PTPRM: variants seen among roughly 807,000 people sequenced by gnomAD.
PTPRM encodes protein tyrosine phosphatase receptor type M.
PTPRM carries 47 observed loss-of-function variants against 186.7 expected under a neutral mutation model. The observed-to-expected ratio is 0.25, with a 90% confidence interval of 0.20 to 0.32. The LOEUF (loss-of-function observed/expected upper bound fraction) is 0.32. PTPRM is among the 10% of genes least tolerant of loss of function. The pLI, the probability that PTPRM is intolerant of heterozygous loss-of-function variation, is 1.00. For missense variants in PTPRM, 1,494 were observed against 1,865.0 expected, an observed-to-expected ratio of 0.80 and a Z score of 3.66; for synonymous variants, 668 against 674.9, an observed-to-expected ratio of 0.99 and a Z score of 0.16.
chr18:8,024,697 T>TTTTTA (rs1213001455), intron 7 of PTPRM, among the ~76,000 whole-genome samples: 1 of 151,224 alleles, frequency 6.6e-6, no homozygotes, highest in African/African-American at 2.4e-5. Context: ...TTTTTTTTTT[T>TTTTTA]TACTGAGTCA....
chr18:7,688,720 G>A (rs780079553), intron 1 of PTPRM, among the ~76,000 whole-genome samples: 32 of 152,168 alleles, frequency 2.1e-4, no homozygotes, highest in East Asian at 9.6e-4. Context: ...CTCTCATCCC[G>A]TGCGTTTGAC....
chr18:7,702,718 T>C (rs1396502442), intron 1 of PTPRM, among the ~76,000 whole-genome samples: 3 of 152,226 alleles, frequency 2.0e-5, no homozygotes, highest in Non-Finnish European at 1.5e-5. Flanking sequence ...TTTGTCGATT[T>C]TGGCATTTGT....
intron 1 of PTPRM, among the ~76,000 whole-genome samples, chr18:7,651,439 G>T (rs894723288): frequency 2.0e-5 from 3 of 152,064 alleles, no homozygotes; most frequent in Non-Finnish European, 4.4e-5. Context: ...AGCCCGCATC[G>T]CCAAGTCAAT....
chr18:8,106,088 A>G (rs1386478302), intron 11 of PTPRM, among the ~76,000 whole-genome samples: 3 of 152,104 alleles, frequency 2.0e-5, no homozygotes, highest in African/African-American at 7.2e-5. Context: ...AGTCAAGACT[A>G]GGAAGCCTGG....
At chr18:7,673,858 G>C (rs957963154) in intron 1 of PTPRM, among the ~76,000 whole-genome samples, 2 of 152,202 alleles carry the variant, frequency 1.3e-5, no homozygotes, top group African/African-American at 4.8e-5. Flanking sequence ...AGGGACACTG[G>C]GGTGAGCCAC....
At chr18:7,768,497 AAC>A (rs536472102) in intron 1 of PTPRM, among the ~76,000 whole-genome samples, 126 of 152,292 alleles carry the variant, frequency 8.3e-4, no homozygotes, top group African/African-American at 3.0e-3. Context: ...TGTCTTGAAA[AAC>A]ACAAAGAATA....
intron 2 of PTPRM, among the ~76,000 whole-genome samples, chr18:7,775,764 G>C (rs186282101): frequency 9.9e-5 from 15 of 152,218 alleles, no homozygotes; most frequent in Admixed American, 6.5e-4. Context: ...AACTTGACTT[G>C]AAAAAATCAG....
At chr18:8,314,070 T>G (rs1436690374) in intron 20 of PTPRM, among the ~76,000 whole-genome samples, 1 of 152,192 alleles carries the variant, frequency 6.6e-6, no homozygotes. Context: ...GCAGATAATT[T>G]TTTTTACCCT....
At chr18:8,341,709 C>T (rs1238861227) in intron 22 of PTPRM, among the ~76,000 whole-genome samples, 10 of 149,354 alleles carry the variant, frequency 6.7e-5, no homozygotes, top group African/African-American at 2.2e-4. Context: ...TCAGGGGTCA[C>T]ATTGGGCTGT....
chr18:7,568,512 C>G lies in PTPRM; in HGVS notation c.73+621C>G, dbSNP rs905622345. ...GGGGGGAGTTCCTCGCCGGTCCCAGCGGTAGGGCTTGGCGGCCGCGGAGGG... is the reference window on the plus strand; with the variant it reads ...GGGGGGAGTTCCTCGCCGGTCCCAGGGGTAGGGCTTGGCGGCCGCGGAGGG... On this transcript the variant is annotated intron_variant, in intron 1 of 32. Transcript: ENST00000580170. This position sits in a 1 kb window ranked among gnomAD's most constrained non-coding sequence, Gnocchi z 5.1. Among the ~76,000 whole-genome samples, 3 of 152,120 alleles carry G rather than the reference C, an allele frequency of 2.0e-5. No individual in the cohort carries two copies. The highest frequency in any genetic ancestry group is 4.4e-5 in the Non-Finnish European group (3 of 67,998).
At chr18:8,236,037 T>C (rs1601391628) in intron 14 of PTPRM, among the ~76,000 whole-genome samples, 1 of 152,196 alleles carries the variant, frequency 6.6e-6, no homozygotes, top group African/African-American at 2.4e-5. Flanking sequence ...GAATATAATG[T>C]GTATTCTGCT....
At chr18:8,173,853 G>A (rs898820853) in intron 14 of PTPRM, among the ~76,000 whole-genome samples, 8 of 152,170 alleles carry the variant, frequency 5.3e-5, no homozygotes, top group Admixed American at 4.6e-4. Context: ...TGGATCACTT[G>A]AGGTCAGGAG....
intron 1 of PTPRM, among the ~76,000 whole-genome samples, chr18:7,612,271 C>G (rs2143863660): frequency 6.6e-6 from 1 of 152,144 alleles, no homozygotes; most frequent in Non-Finnish European, 1.5e-5. Flanking sequence ...AATAAATGTG[C>G]AAAATGTGTA....
In PTPRM at chr18:7,611,944, G is replaced by T. The variant is rs149026318; in HGVS notation, c.73+44053G>T. ...CAGCATGAAAGCAGACTGATACAAG[G>T]CTCTACCATCTAGGTTTGTGTAAGT... On this transcript the variant is annotated intron_variant, in intron 1 of 32. Coordinates refer to ENST00000580170, the MANE Select transcript of PTPRM (RefSeq NM_001105244.2). 5.3e-3 allele frequency among the ~76,000 whole-genome samples: 804 copies of T among 152,214 alleles called. 7 individuals carry two copies. Among genetic ancestry groups the T allele is most frequent in the South Asian group, 0.029 (138 of 4,824 alleles).
rs943114976 is a variant in PTPRM at position 8,244,054 on chromosome 18, T to C, written c.2301-4T>C. 6.2e-7 allele frequency: 1 copy of C among 1,607,578 alleles called. No homozygotes were observed. The highest frequency in any genetic ancestry group is 1.7e-5 in the Admixed American group (1 of 58,244). ...GCCTACATAATTGAATTCTTTATCC[T>C]AAGGAAACTGGCCAAGAAGCGGAAA... On this transcript the variant is annotated splice_polypyrimidine_tract_variant and splice_region_variant and intron_variant, in intron 14 of 32. Transcript: ENST00000580170.
intron 2 of PTPRM, among the ~76,000 whole-genome samples, chr18:7,779,913 G>T (rs184431888): frequency 2.0e-5 from 3 of 152,006 alleles, no homozygotes. Flanking sequence ...TAAATTCTTC[G>T]TCTGATAAGA....
At chr18:8,306,030 TG>T (rs748605722) in intron 20 of PTPRM, among the ~76,000 whole-genome samples, 3 of 152,028 alleles carry the variant, frequency 2.0e-5, no homozygotes, top group Non-Finnish European at 4.4e-5. Context: ...CCCAAGTAGC[TG>T]GGATTACAGG....
At chr18:8,017,613 C>T (rs1364232292) in intron 7 of PTPRM, among the ~76,000 whole-genome samples, 1 of 141,490 alleles carries the variant, frequency 7.1e-6, no homozygotes, top group South Asian at 2.3e-4. Flanking sequence ...AAAATTAGAG[C>T]GTCCTCAGTG....
intron 1 of PTPRM, among the ~76,000 whole-genome samples, chr18:7,673,070 T>G (rs913661111): frequency 3.3e-5 from 5 of 152,182 alleles, no homozygotes; most frequent in Non-Finnish European, 7.3e-5. Flanking sequence ...TGCTAAAGTT[T>G]TACACTTGAG....
Sources: gnomAD v4.1 joint callset for allele counts (sites outside exome capture counted in the v4.1 genomes callset) on GRCh38, gnomAD v4.1.1 for gene constraint, Gnocchi (gnomAD v3.1) non-coding constraint, MANE v1.5 for transcripts, NCBI Gene and HGNC (gene_info 2026-07-23, HGNC 2026-07-21) for gene names.